The following WDFY3 variants were observed in gnomAD, a reference collection of about 807,000 sequenced individuals.
WDFY3 encodes WD repeat and FYVE domain containing 3.
Under a neutral mutation model 409.6 loss-of-function variants are expected in WDFY3, and 66 were observed. That is an observed-to-expected ratio of 0.16 (90% CI 0.13 to 0.20). The LOEUF is 0.20. Among genes scored for constraint, WDFY3 ranks in the 10% least tolerant of loss-of-function variants. WDFY3 has a pLI of 1.00. For missense variants in WDFY3, 3,031 were observed against 4,298.1 expected (o/e 0.71, Z 8.24); for synonymous variants, 1,521 against 1,537.1 (o/e 0.99, Z 0.25).
intron 32 of WDFY3, among the ~76,000 whole-genome samples, chr4:84,759,692 A>T (rs1286101199): frequency 2.5e-3 from 372 of 149,726 alleles, no homozygotes; most frequent in African/African-American, 8.7e-3. Flanking sequence ...TATCAGCTTA[A>T]GGAGATTTTG....
intron 3 of WDFY3, among the ~76,000 whole-genome samples, chr4:84,878,892 C>T (rs1763121851): frequency 6.6e-6 from 1 of 152,170 alleles, no homozygotes; most frequent in Non-Finnish European, 1.5e-5. Context: ...GTGTTTGCAT[C>T]CCCACCTGTA....
chr4:84,809,980 T>C lies in WDFY3; in HGVS notation c.2252A>G (p.Asp751Gly). The change falls in exon 14 of 68, where the codon GAT becomes GGT. Residue 751 changes from aspartate to glycine, a missense_variant. Physicochemically the swap from Asp to Gly is moderately conservative, Grantham distance 94 (BLOSUM62 -1). This residue lies in a region of WDFY3 where 1,322 missense variants were observed against 1,697.9 expected (regional missense o/e 0.78). Transcript: ENST00000295888. ...TQPFQRLLEE[D>G]VISIESVSPT... The stretch of plus-strand genomic sequence containing the variant: ...TGACACTGATTCTATTGAGATTACA[T>C]CTTCCTCTAAAAGTCTTTGAAATGG... The C allele has an allele frequency of 6.2e-7, 1 of 1,614,170 alleles. No individual in the cohort carries two copies.
At chr4:84,796,167 T>C (rs1749403604) in intron 19 of WDFY3, among the ~76,000 whole-genome samples, 1 of 151,620 alleles carries the variant, frequency 6.6e-6, no homozygotes. Flanking sequence ...TACTCAACTC[T>C]GACACTCTAG....
At chr4:84,813,338 T>G (rs1263427678) in intron 13 of WDFY3, among the ~76,000 whole-genome samples, 1 of 152,138 alleles carries the variant, frequency 6.6e-6, no homozygotes, top group Non-Finnish European at 1.5e-5. Flanking sequence ...TTCAGGAATT[T>G]TGTAAGTCAG....
chr4:84,837,645 T>C (rs971859976), intron 6 of WDFY3, among the ~76,000 whole-genome samples: 2 of 152,332 alleles, frequency 1.3e-5, no homozygotes, highest in African/African-American at 2.4e-5. Flanking sequence ...TACATCTCTA[T>C]ATTATTTTCA....
intron 6 of WDFY3, among the ~76,000 whole-genome samples, chr4:84,840,743 A>T (rs1757224385): frequency 7.1e-6 from 1 of 141,728 alleles, no homozygotes; most frequent in Non-Finnish European, 1.5e-5. Flanking sequence ...CGCTCAGCTA[A>T]TTTTTTTTTT....
chr4:84,681,888 C>G (rs774205314), intron 64 of WDFY3, among the ~76,000 whole-genome samples: 1 of 152,218 alleles, frequency 6.6e-6, no homozygotes, highest in African/African-American at 2.4e-5. Flanking sequence ...GGTAACCAGG[C>G]TTCAGTGTGA....
chr4:84,708,452 C>T (rs757928062), intron 53 of WDFY3, among the ~76,000 whole-genome samples: 2 of 152,260 alleles, frequency 1.3e-5, no homozygotes, highest in Admixed American at 6.5e-5. Context: ...GTGCTAAATG[C>T]TTCTCATCTA....
chr4:84,693,431 G>T lies in WDFY3; in HGVS notation c.8902-399C>A, dbSNP rs564856403. Among the ~76,000 whole-genome samples, 3 of 152,170 alleles carry T rather than the reference G, an allele frequency of 2.0e-5. No individual in the cohort carries two copies. The South Asian group carries it at 6.2e-4, about 32-fold the overall frequency. On this transcript the variant is annotated intron_variant, in intron 58 of 67. Coordinates refer to ENST00000295888, the MANE Select transcript of WDFY3 (RefSeq NM_014991.6). ...CACTCTATCTAGTTGGATTATTTCT[G>T]GTTTCAATGTGGCCTTTATGTGATT...
rs1209137661 is a variant in WDFY3 at position 84,735,050 on chromosome 4, T to G, written c.6986A>C (p.Tyr2329Ser). 1.9e-6 allele frequency: 3 copies of G among 1,611,660 alleles called. No homozygotes were observed. Among genetic ancestry groups the G allele is most frequent in the Non-Finnish European group, 2.5e-6 (3 of 1,179,056 alleles). The change falls in exon 43 of 68, where the codon TAT (tyrosine) becomes TCT (serine). Residue 2329 changes from tyrosine (Y) to serine (S), a missense_variant. This residue lies in a region of WDFY3 where 98 missense variants were observed against 194.9 expected (regional missense o/e 0.50). Coordinates refer to ENST00000295888, the MANE Select transcript of WDFY3 (RefSeq NM_014991.6). ...ATGATTATAAGTCCTTACCTCCTGA[T>G]ATTCTTTATATTGTGTATCTACTAA... ...RDLVDTQYKEYQERQQNALKY... is the reference protein window; with the variant it reads ...RDLVDTQYKESQERQQNALKY...
At chr4:84,781,169 A>C (rs1297805970) in intron 25 of WDFY3, among the ~76,000 whole-genome samples, 3 of 152,066 alleles carry the variant, frequency 2.0e-5, no homozygotes, top group African/African-American at 7.2e-5. Context: ...GTACATCAGT[A>C]ACTTTAGGAG....
chr4:84,759,478 C>G (rs561486913), intron 32 of WDFY3, among the ~76,000 whole-genome samples: 2 of 151,114 alleles, frequency 1.3e-5, no homozygotes, highest in Non-Finnish European at 2.9e-5. Flanking sequence ...CTTTTATTTC[C>G]TTGAGCAGTG....
chr4:84,940,778 A>G (rs562212792), intron 1 of WDFY3, among the ~76,000 whole-genome samples: 52 of 152,208 alleles, frequency 3.4e-4, no homozygotes, highest in Non-Finnish European at 6.6e-4. Flanking sequence ...ACTTTTAACA[A>G]AATATAAGGA....
chr4:84,722,700 T>C (rs1735037525), intron 46 of WDFY3, among the ~76,000 whole-genome samples: 3 of 152,178 alleles, frequency 2.0e-5, no homozygotes, highest in Admixed American at 2.0e-4. Context: ...GCATGCCAAA[T>C]CACACATTTT....
chr4:84,957,258 C>CAAAAAA (rs149018066), intron 1 of WDFY3, among the ~76,000 whole-genome samples: 1 of 59,364 alleles, frequency 1.7e-5, no homozygotes. Flanking sequence ...TTTCATATAC[C>CAAAAAA]AAAAAAAAAA....
chr4:84,783,931 A>G (rs576290485), intron 24 of WDFY3, among the ~76,000 whole-genome samples: 3 of 152,026 alleles, frequency 2.0e-5, no homozygotes, highest in Admixed American at 6.6e-5. Flanking sequence ...CAATACTTAC[A>G]GTTCCTGGTC....
chr4:84,790,950 G>C (rs1432151306), intron 21 of WDFY3, among the ~76,000 whole-genome samples: 1 of 151,572 alleles, frequency 6.6e-6, no homozygotes, highest in Non-Finnish European at 1.5e-5. Context: ...AAAAAAAAAA[G>C]TGTTGACACA....
intron 15 of WDFY3, among the ~76,000 whole-genome samples, chr4:84,805,997 A>G (rs1184909700): frequency 6.6e-6 from 1 of 152,178 alleles, no homozygotes; most frequent in Non-Finnish European, 1.5e-5. Flanking sequence ...TTAGAGAAGA[A>G]TCTCCTGGAT....
At position 84,740,374 on chromosome 4, in the gene WDFY3, G is replaced by T. The variant is rs1738193584; in HGVS notation, c.6277C>A (p.His2093Asn). 6.2e-7 allele frequency: 1 copy of T among 1,613,994 alleles called. No individual in the cohort carries two copies. The highest frequency in any genetic ancestry group is 1.7e-5 in the Admixed American group (1 of 59,992). ...SQGLSLDAVY[H>N]CLNRTILYQF... ...TACAAGATGGTCCTATTGAGGCAAT[G>T]ATACACTGCATCCAGTGACAATCCC... Residue 2093 changes from histidine to asparagine, a missense_variant, in exon 39 of 68, where the codon CAT becomes AAT. Transcript: ENST00000295888.
Sources: gnomAD v4.1 joint callset for allele counts (sites outside exome capture counted in the v4.1 genomes callset) on GRCh38, gnomAD v4.1.1 for gene constraint, gnomAD v4.1.1 regional missense constraint, MANE v1.5 for transcripts, NCBI Gene and HGNC (gene_info 2026-07-23, HGNC 2026-07-21) for gene names.